Variants in RELL1 observed in about 807,000 individuals in gnomAD.
RELL1 encodes the protein RELT-like protein 1.
Under a neutral mutation model 23.0 loss-of-function variants are expected in RELL1, and 10 were observed. The observed-to-expected ratio is 0.43, with a 90% CI of 0.27 to 0.74. The LOEUF (loss-of-function observed/expected upper bound fraction) is 0.74, where lower values mean the gene tolerates loss of function less well. Among genes scored for constraint, RELL1 ranks in the 30% least tolerant of loss-of-function variants. RELL1 has a pLI of 0.19. For missense variants in RELL1, 315 were observed against 364.4 expected, an observed-to-expected ratio of 0.86 and a Z score of 1.10; for synonymous variants, 146 against 146.8, an observed-to-expected ratio of 0.99 and a Z score of 0.04.
At chr4:37,661,599 A>C (rs1342154154) in intron 1 of RELL1, among the ~76,000 whole-genome samples, 1 of 152,230 alleles carries the variant, frequency 6.6e-6, no homozygotes, top group Non-Finnish European at 1.5e-5. Context: ...CTTTAAATAC[A>C]GTTTAAATCA....
At chr4:37,596,811 C>T (rs554284188) in intron 6 of RELL1, among the ~76,000 whole-genome samples, 10 of 129,872 alleles carry the variant, frequency 7.7e-5, no homozygotes, top group African/African-American at 2.0e-4. Context: ...TGCAATGGCA[C>T]GATCTTGGCT....
intron 1 of RELL1, among the ~76,000 whole-genome samples, chr4:37,654,415 GTGGAGAA>G (rs1721052878): frequency 6.6e-6 from 1 of 152,160 alleles, no homozygotes; most frequent in South Asian, 2.1e-4. Flanking sequence ...AAGATGCAGA[GTGGAGAA>G]TATATTGTGA....
At chr4:37,646,668 G>C (rs1349369992) in intron 3 of RELL1, among the ~76,000 whole-genome samples, 5 of 152,172 alleles carry the variant, frequency 3.3e-5, no homozygotes, top group African/African-American at 1.2e-4. Context: ...ACCATACTGA[G>C]CACTCTATGT....
In RELL1 at chr4:37,635,071, A is replaced by G. The variant is rs754788777; in HGVS notation, c.496T>C (p.Ser166Pro). 6.2e-7 allele frequency: 1 copy of G among 1,614,238 alleles called. No individual in the cohort carries two copies. Among genetic ancestry groups the G allele is most frequent in the South Asian group, 1.1e-5 (1 of 91,088 alleles). Residue 166 changes from serine (S) to proline (P), a missense_variant, in exon 5 of 7, where the codon TCA (serine) becomes CCA (proline). Transcript: ENST00000454158. ...TGCTTCCCTGGCGTCCCCCCTGGTG[A>G]CAAAGGCCCAGGACTCACTGGCGGG... ...GSPPVSPGPL[S>P]PGGTPGKHVC...
At chr4:37,639,302 T>C (rs1450334688) in intron 3 of RELL1, among the ~76,000 whole-genome samples, 1 of 139,330 alleles carries the variant, frequency 7.2e-6, no homozygotes, top group Admixed American at 8.3e-5. Context: ...AAAAATGGCA[T>C]GAACCCAGGA....
At chr4:37,630,788 C>T (rs1720104028) in intron 6 of RELL1, among the ~76,000 whole-genome samples, 2 of 151,846 alleles carry the variant, frequency 1.3e-5, no homozygotes, top group African/African-American at 2.4e-5. Flanking sequence ...GAGAAATATT[C>T]GTATTGAGGT....
At chr4:37,633,862 T>C (rs1337862372) in intron 5 of RELL1, among the ~76,000 whole-genome samples, 1 of 152,136 alleles carries the variant, frequency 6.6e-6, no homozygotes, top group Admixed American at 6.5e-5. Flanking sequence ...AGTTTGTAAG[T>C]AGTGGTGCCA....
chr4:37,649,926 A>G (rs535034351), intron 1 of RELL1, among the ~76,000 whole-genome samples: 1 of 152,358 alleles, frequency 6.6e-6, no homozygotes, highest in South Asian at 2.1e-4. Context: ...AGTGATTAAG[A>G]GCATGGCCTC....
chr4:37,657,733 A>G (rs562391276), intron 1 of RELL1, among the ~76,000 whole-genome samples: 124 of 152,240 alleles, frequency 8.1e-4, no homozygotes, highest in African/African-American at 3.0e-3. Flanking sequence ...GTGAAACCTC[A>G]TCTCTACAAA....
intron 3 of RELL1, among the ~76,000 whole-genome samples, chr4:37,638,843 T>C (rs1367056703): frequency 6.6e-6 from 1 of 152,224 alleles, no homozygotes; most frequent in Non-Finnish European, 1.5e-5. Flanking sequence ...TAAAGGACCA[T>C]TTATATGCCG....
chr4:37,647,765 A>G (rs1243751564), intron 2 of RELL1, among the ~76,000 whole-genome samples: 3 of 152,248 alleles, frequency 2.0e-5, no homozygotes, highest in African/African-American at 7.2e-5. Context: ...AAATGGGAAG[A>G]AAGCTCATTA....
In RELL1 at chr4:37,597,786, C is replaced by T. The variant is rs186991961; in HGVS notation, c.*4-6569G>A. On this transcript the variant is annotated intron_variant, in intron 6 of 6. Transcript: ENST00000314117. ...TTTACAGGGGCTGGGTGCCGTGGCT[C>T]ATGCCTGTAATCCCAGCACTTTGGG... is the stretch of plus-strand genomic sequence containing the variant. Among the ~76,000 whole-genome samples the T allele has an allele frequency of 5.1e-3, 781 of 152,244 alleles. 7 individuals carry two copies. The highest frequency in any genetic ancestry group is 0.018 in the African/African-American group (733 of 41,552).
intron 3 of RELL1, among the ~76,000 whole-genome samples, chr4:37,640,299 A>G (rs1560341811): frequency 6.6e-6 from 1 of 152,262 alleles, no homozygotes; most frequent in East Asian, 1.9e-4. Context: ...TTACAAAAAC[A>G]TTATGAAAAC....
At chr4:37,681,059 T>C (rs1722203710) in intron 1 of RELL1, among the ~76,000 whole-genome samples, 1 of 152,134 alleles carries the variant, frequency 6.6e-6, no homozygotes, top group South Asian at 2.1e-4. Context: ...CTTTAGATCT[T>C]TGGGGAAATT....
intron 6 of RELL1, among the ~76,000 whole-genome samples, chr4:37,592,485 C>A (rs757588578): frequency 6.6e-6 from 1 of 152,148 alleles, no homozygotes; most frequent in Non-Finnish European, 1.5e-5. Flanking sequence ...CTGATCTTAC[C>A]TCAAAGATGA....
chr4:37,604,866 G>GACACACACACAT (rs1719133810), intron 6 of RELL1, among the ~76,000 whole-genome samples: 26 of 56,836 alleles, frequency 4.6e-4, no homozygotes, highest in South Asian at 7.9e-4. Flanking sequence ...CACACACACA[G>GACACACACACAT]ACACACACAC....
chr4:37,616,694 G>A (rs752454450), intron 6 of RELL1, among the ~76,000 whole-genome samples: 17 of 152,184 alleles, frequency 1.1e-4, no homozygotes, highest in African/African-American at 1.7e-4. Context: ...AATAGAGAAC[G>A]TTGTTTATAG....
intron 5 of RELL1, among the ~76,000 whole-genome samples, chr4:37,632,095 A>C (rs1316754635): frequency 8.0e-5 from 12 of 149,996 alleles, no homozygotes; most frequent in Non-Finnish European, 1.6e-4. Flanking sequence ...AAAAAAAAAA[A>C]AAAAAAAAAA....
intron 3 of RELL1, 22 bp downstream of exon 3, chr4:37,647,346 T>C (rs1577587624): frequency 6.4e-7 from 1 of 1,571,154 alleles, no homozygotes; most frequent in East Asian, 2.2e-5. Flanking sequence ...TGAATTGTTT[T>C]GGAACACTAA....
Sources: allele counts gnomAD v4.1 joint callset (sites outside exome capture counted in the v4.1 genomes callset), GRCh38; gene constraint gnomAD v4.1.1; transcripts MANE v1.5; gene names NCBI Gene and HGNC (gene_info 2026-07-23, HGNC 2026-07-21).